AR: variants seen among roughly 807,000 people sequenced by gnomAD.
AR encodes androgen receptor.
AR carries 8 observed loss-of-function variants against 53.9 expected under a neutral mutation model. The ratio of observed to expected loss-of-function variants is 0.15; its 90% CI spans 0.09 to 0.27. The LOEUF is 0.27. Among genes scored for constraint, AR ranks in the 10% least tolerant of loss-of-function variants. The pLI, the probability that AR is intolerant of heterozygous loss-of-function variation, is 1.00. For missense variants in AR, 639 were observed against 742.5 expected (o/e 0.86, Z 1.62); for synonymous variants, 359 against 316.4 (o/e 1.13, Z -1.43).
chrX:67,659,549 T>A (rs1311360535), intron 2 of AR, among the ~76,000 whole-genome samples: 10 of 111,469 alleles, frequency 9.0e-5, no homozygotes, highest in Non-Finnish European at 1.9e-4. Context: ...ACATGAACTC[T>A]TCATTTTTTA....
intron 5 of AR, among the ~76,000 whole-genome samples, chrX:67,718,497 T>C (rs896601924): frequency 8.9e-6 from 1 of 111,842 alleles, no homozygotes; most frequent in African/African-American, 3.3e-5. Context: ...TCTTCATCCA[T>C]TAATGATAAC....
chrX:67,687,086 T>A (rs1021838738), intron 3 of AR, among the ~76,000 whole-genome samples: 8 of 112,021 alleles, frequency 7.1e-5, no homozygotes, highest in African/African-American at 2.6e-4. Context: ...TGCCTGCAAC[T>A]GTAGCCTCAT....
intron 1 of AR, among the ~76,000 whole-genome samples, chrX:67,596,633 A>G (rs2057055728): frequency 8.9e-6 from 1 of 111,780 alleles, no homozygotes; most frequent in Non-Finnish European, 1.9e-5. Context: ...CACTGTAAGA[A>G]GCTAGTCAGA....
At chrX:67,629,122 T>G (rs1202550898) in intron 1 of AR, among the ~76,000 whole-genome samples, 5 of 111,091 alleles carry the variant, frequency 4.5e-5, no homozygotes, top group African/African-American at 6.6e-5. Context: ...TCTCTGCCCG[T>G]CTTTGGTATC....
At chrX:67,660,113 A>G (rs2147459942) in intron 2 of AR, among the ~76,000 whole-genome samples, 1 of 110,989 alleles carries the variant, frequency 9.0e-6, no homozygotes, top group East Asian at 2.8e-4. Flanking sequence ...TCTGGATATT[A>G]CCCTTTGTCA....
chrX:67,660,495 G>C (rs1285173096), intron 2 of AR, among the ~76,000 whole-genome samples: 7 of 111,376 alleles, frequency 6.3e-5, no homozygotes, highest in African/African-American at 2.0e-4. Context: ...TCTTGTTTTT[G>C]TCAGGTTTGT....
At chrX:67,680,036 CCT>C (rs1490791275) in intron 2 of AR, among the ~76,000 whole-genome samples, 3 of 111,828 alleles carry the variant, frequency 2.7e-5, no homozygotes, top group African/African-American at 9.7e-5. Context: ...TACATGATTT[CCT>C]CTTTTAAATT....
At chrX:67,706,883 T>C (rs1226543948) in intron 3 of AR, among the ~76,000 whole-genome samples, 2 of 112,210 alleles carry the variant, frequency 1.8e-5, no homozygotes, top group African/African-American at 6.5e-5. Flanking sequence ...ACATCTTTAT[T>C]TCTGCCTTCA....
chrX:67,582,610 G>A (rs753533988), intron 1 of AR, among the ~76,000 whole-genome samples: 69 of 111,480 alleles, frequency 6.2e-4, no homozygotes, highest in Non-Finnish European at 8.9e-4. Flanking sequence ...TCTATTACAC[G>A]AAACTAAAGA....
chrX:67,563,194 A>G (rs890688471), intron 1 of AR, among the ~76,000 whole-genome samples: 1 of 111,687 alleles, frequency 9.0e-6, no homozygotes, highest in Admixed American at 9.5e-5. Flanking sequence ...AATACATAAC[A>G]GAGAGGCTGA....
At chrX:67,686,213 C>A in intron 3 of AR, 87 bp downstream of exon 3, 1 of 983,086 alleles carries the variant, frequency 1.0e-6, no homozygotes, top group Non-Finnish European at 1.4e-6. Context: ...AGATTTTCTT[C>A]TTTGATGCTT....
chrX:67,562,262 C>A (rs1165699462), intron 1 of AR, among the ~76,000 whole-genome samples: 1 of 109,535 alleles, frequency 9.1e-6, no homozygotes. Flanking sequence ...ATGTGCCCAG[C>A]CTGAAAGATA....
At chrX:67,693,717 A>G (rs748226103) in intron 3 of AR, among the ~76,000 whole-genome samples, 11 of 111,812 alleles carry the variant, frequency 9.8e-5, no homozygotes, top group Non-Finnish European at 1.7e-4. Context: ...TTCTGTGACA[A>G]CAGATATCTA....
rs55887987 is a variant in AR, at chrX:67,717,466, C to G, written c.2174-12C>G. 42 of 1,210,012 alleles carry G rather than the reference C, an allele frequency of 3.5e-5. No individual in the cohort carries two copies. The highest frequency in any genetic ancestry group is 4.7e-5 in the Non-Finnish European group (42 of 895,276). On this transcript the variant is annotated splice_polypyrimidine_tract_variant and intron_variant, in intron 4 of 7. Transcript: ENST00000374690. ...CCCAGACTGACCACTGCCTCTGCCTCTTCTTCTCCAGGCTTCCGCAACTTA... is the reference window on the plus strand; with the variant it reads ...CCCAGACTGACCACTGCCTCTGCCTGTTCTTCTCCAGGCTTCCGCAACTTA...
intron 1 of AR, 104 bp from the exon 2 acceptor site, chrX:67,643,152 A>T (rs931660689): frequency 3.1e-6 from 3 of 972,736 alleles, no homozygotes; most frequent in Admixed American, 2.2e-5. Flanking sequence ...GCAATGAATA[A>T]TAGTCATTTA....
At chrX:67,685,929 T>C in intron 2 of AR, 81 bp from the exon 3 acceptor site, 1 of 1,189,891 alleles carries the variant, frequency 8.4e-7, no homozygotes. Context: ...TTTCATATCT[T>C]TTCTGTTCTA....
chrX:67,666,520 G>A (rs1313928906), intron 2 of AR, among the ~76,000 whole-genome samples: 1 of 111,745 alleles, frequency 8.9e-6, no homozygotes, highest in Non-Finnish European at 1.9e-5. Context: ...TGCAATAAAC[G>A]TGGGAATGCA....
At chrX:67,562,348 T>A (rs1305745540) in intron 1 of AR, among the ~76,000 whole-genome samples, 1 of 103,973 alleles carries the variant, frequency 9.6e-6, no homozygotes, top group Non-Finnish European at 1.9e-5. Flanking sequence ...TTGGTCTATA[T>A]GGTGTATATG....
At chrX:67,632,345 G>T (rs958304515) in intron 1 of AR, among the ~76,000 whole-genome samples, 1 of 112,720 alleles carries the variant, frequency 8.9e-6, no homozygotes, top group African/African-American at 3.2e-5. Context: ...CTCCTGGTGC[G>T]CCGTTTTTTA....
Sources: allele counts gnomAD v4.1 joint callset (sites outside exome capture counted in the v4.1 genomes callset), GRCh38; gene constraint gnomAD v4.1.1; transcripts MANE v1.5; gene names NCBI Gene and HGNC (gene_info 2026-07-23, HGNC 2026-07-21).